LARGE1: variants seen among roughly 807,000 people sequenced by gnomAD.
LARGE1 encodes the protein LARGE xylosyl- and glucuronyltransferase 1, also known as xylosyl- and glucuronyltransferase LARGE1.
A neutral mutation model predicts 87.6 loss-of-function variants in LARGE1; 43 were observed. The observed-to-expected ratio is 0.49, with a 90% CI of 0.38 to 0.63. The LOEUF (loss-of-function observed/expected upper bound fraction) is 0.63, where lower values mean the gene tolerates loss of function less well. Among genes scored for constraint, LARGE1 ranks in the 30% least tolerant of loss-of-function variants. The pLI is 0.00. For synonymous variants in LARGE1, 434 were observed against 394.6 expected (o/e 1.10, Z -1.18); for missense variants, 802 against 1,000.2 (o/e 0.80, Z 2.67).
At chr22:33,664,106 C>A (rs2149242401) in intron 2 of LARGE1, among the ~76,000 whole-genome samples, 1 of 152,306 alleles carries the variant, frequency 6.6e-6, no homozygotes, top group Middle Eastern at 3.4e-3. Flanking sequence ...CAACTGAACA[C>A]CTGTTCAGGG....
At chr22:33,361,176 C>T (rs758992469) in intron 9 of LARGE1, among the ~76,000 whole-genome samples, 1 of 148,968 alleles carries the variant, frequency 6.7e-6, no homozygotes, top group Non-Finnish European at 1.5e-5. Flanking sequence ...CGCCATTGCA[C>T]TCCAGCCTGG....
rs569981770 is a variant in LARGE1 at position 33,678,002 on chromosome 22, C to T, written c.107-27334G>A. Among the ~76,000 whole-genome samples the T allele has an allele frequency of 3.9e-5, 6 of 152,164 alleles. No homozygotes were observed. In the East Asian group the frequency reaches 9.6e-4, roughly 24 times the overall value. On this transcript the variant is annotated intron_variant, in intron 2 of 14. Coordinates refer to ENST00000397394, the MANE Select transcript of LARGE1 (RefSeq NM_133642.5). ...TCTAATATCAGGAAAAGTGAGAAGA[C>T]GATTGGGATCTACAATATGAGAAAA... is the stretch of plus-strand genomic sequence containing the variant.
intron 2 of LARGE1, among the ~76,000 whole-genome samples, chr22:33,680,771 G>C (rs1471172944): frequency 1.3e-5 from 2 of 151,666 alleles, no homozygotes; most frequent in Non-Finnish European, 2.9e-5. Context: ...TTTCAACTCA[G>C]ATGTCTTCTC....
chr22:33,333,497 T>A (rs1015968401), intron 10 of LARGE1, among the ~76,000 whole-genome samples: 2 of 152,170 alleles, frequency 1.3e-5, no homozygotes, highest in Non-Finnish European at 2.9e-5. Context: ...GTCAGCTTTG[T>A]TCCTAGCCAT....
chr22:33,198,988 C>T (rs764485408), intron 11 of LARGE1, among the ~76,000 whole-genome samples: 1 of 152,122 alleles, frequency 6.6e-6, no homozygotes, highest in Non-Finnish European at 1.5e-5. Context: ...CCCTTTTCTC[C>T]ACATCTTTCC....
chr22:33,674,232 C>A (rs1392588558), intron 2 of LARGE1, among the ~76,000 whole-genome samples: 1 of 152,180 alleles, frequency 6.6e-6, no homozygotes, highest in East Asian at 1.9e-4. Flanking sequence ...GTGTGAGCCA[C>A]CACACCCAGC....
chr22:33,288,248 TTCCCTTGATAA>T (rs559295808), intron 12 of LARGE1, among the ~76,000 whole-genome samples: 1 of 152,202 alleles, frequency 6.6e-6, no homozygotes, highest in Non-Finnish European at 1.5e-5. Context: ...GAAAGGAGAT[TTCCCTTGATAA>T]TGTGGGTGGG....
intron 6 of LARGE1, among the ~76,000 whole-genome samples, chr22:33,559,724 T>A (rs2077798340): frequency 6.6e-6 from 1 of 151,614 alleles, no homozygotes; most frequent in African/African-American, 2.4e-5. Flanking sequence ...CCTGCCTTAT[T>A]CTCTGGACAT....
intron 11 of LARGE1, among the ~76,000 whole-genome samples, chr22:33,211,645 C>T (rs1203764216): frequency 6.6e-6 from 1 of 152,080 alleles, no homozygotes; most frequent in African/African-American, 2.4e-5. Context: ...TGGTGGCACA[C>T]ACCTGTAGTC....
intron 4 of LARGE1, among the ~76,000 whole-genome samples, chr22:33,609,725 G>A (rs902992331): frequency 2.6e-5 from 4 of 152,050 alleles, no homozygotes; most frequent in East Asian, 3.9e-4. Flanking sequence ...ATGTTGAAAC[G>A]TAATCCCCAA....
chr22:33,077,184 T>C, the LARGE1 span, among the ~76,000 whole-genome samples: 906 of 152,326 alleles, frequency 5.9e-3, 7 homozygotes, highest in African/African-American at 0.021. Context: ...GATTTAGGAA[T>C]AGTACATACA....
intron 11 of LARGE1, among the ~76,000 whole-genome samples, chr22:33,225,272 A>G (rs137473): frequency 0.11 from 16,343 of 152,222 alleles, 1,388 homozygotes; most frequent in African/African-American, 0.24. Flanking sequence ...GCAGGACACA[A>G]GGAAGCCACT....
At chr22:33,870,689 C>T (rs2064252048) in intron 1 of LARGE1, among the ~76,000 whole-genome samples, 1 of 152,108 alleles carries the variant, frequency 6.6e-6, no homozygotes, top group Admixed American at 6.5e-5. Flanking sequence ...CTGCCTCAAC[C>T]TCCTGAGTAG....
chr22:33,548,353 C>T (rs1181605760), intron 6 of LARGE1, among the ~76,000 whole-genome samples: 3 of 152,168 alleles, frequency 2.0e-5, no homozygotes, highest in African/African-American at 7.2e-5. Context: ...GTTTCCTGTA[C>T]AGCCTGCAGA....
chr22:33,512,589 G>C (rs2071106096), intron 6 of LARGE1, among the ~76,000 whole-genome samples: 1 of 152,084 alleles, frequency 6.6e-6, no homozygotes, highest in Non-Finnish European at 1.5e-5. Context: ...GATCACCTGA[G>C]GTCAGGAGTT....
intron 2 of LARGE1, among the ~76,000 whole-genome samples, chr22:33,692,860 G>A (rs2082134780): frequency 6.6e-6 from 1 of 152,250 alleles, no homozygotes; most frequent in Non-Finnish European, 1.5e-5. Context: ...AAAAAAGGCA[G>A]AGAACTACCA....
At chr22:33,394,431 C>T (rs1249461393) in intron 7 of LARGE1, among the ~76,000 whole-genome samples, 1 of 152,144 alleles carries the variant, frequency 6.6e-6, no homozygotes, top group Non-Finnish European at 1.5e-5. Context: ...AACTCCTGAC[C>T]TCGTAATCCG....
At chr22:33,693,226 T>C (rs911285746) in intron 2 of LARGE1, among the ~76,000 whole-genome samples, 2 of 152,036 alleles carry the variant, frequency 1.3e-5, no homozygotes, top group African/African-American at 2.4e-5. Flanking sequence ...AGCAGTACAG[T>C]GGACACTGGA....
rs112873570 is a variant in LARGE1, at chr22:33,644,611, G to C, written c.408+5756C>G. Among the ~76,000 whole-genome samples the C allele has an allele frequency of 3.2e-3, 493 of 152,286 alleles. 2 individuals carry two copies. Among genetic ancestry groups the C allele is most frequent in the African/African-American group, 0.011 (473 of 41,562 alleles). ...AAAGGGTATTCAAACAGGAAGTAAG[G>C]AAGTGAAATTCTCTCTGTTTGCAGA... On this transcript the variant is annotated intron_variant, in intron 3 of 14. Transcript: ENST00000397394.
Sources: allele counts gnomAD v4.1 joint callset (sites outside exome capture counted in the v4.1 genomes callset), GRCh38; gene constraint gnomAD v4.1.1; transcripts MANE v1.5; gene names NCBI Gene and HGNC (gene_info 2026-07-23, HGNC 2026-07-21).